AKAP9: variants seen among roughly 807,000 people sequenced by gnomAD.
AKAP9 encodes the protein A-kinase anchoring protein 9.
AKAP9 carries 311 observed loss-of-function variants against 488.5 expected under a neutral mutation model. That is an observed-to-expected ratio of 0.64 (90% CI 0.58 to 0.70). The LOEUF (loss-of-function observed/expected upper bound fraction) is 0.70. Among genes scored for constraint, AKAP9 ranks in the 30% least tolerant of loss-of-function variants. AKAP9 has a pLI of 0.00. For missense variants in AKAP9, 4,215 were observed against 4,374.5 expected, an observed-to-expected ratio of 0.96 and a Z score of 1.03; for synonymous variants, 1,462 against 1,483.5, an observed-to-expected ratio of 0.99 and a Z score of 0.33.
In AKAP9 at chr7:92,022,806, T is replaced by TA. The variant is rs1156789228; in HGVS notation, c.3953-6dup. 1 of 1,549,626 alleles carries TA rather than the reference T, an allele frequency of 6.5e-7. No homozygotes were observed. The highest frequency in any genetic ancestry group is 1.4e-5 in the African/African-American group (1 of 73,054). ...AATGTGCATTTTTTGTCTCTTTATA[T>TA]AACATAGATGTCAATCATAAAAGCA... On this transcript the variant is annotated splice_region_variant and splice_polypyrimidine_tract_variant and intron_variant, in intron 13 of 49. Transcript: ENST00000356239.
intron 9 of AKAP9, among the ~76,000 whole-genome samples, chr7:92,013,730 T>C (rs1201212741): frequency 6.6e-6 from 1 of 152,190 alleles, no homozygotes; most frequent in Non-Finnish European, 1.5e-5. Flanking sequence ...TCAGGAGTGC[T>C]TTGGGTTTGA....
Position 92,084,955 on chromosome 7 carries a change from A to G in AKAP9, c.8832+15A>G. 1.2e-6 allele frequency: 2 copies of G among 1,611,112 alleles called. No individual in the cohort carries two copies. Among genetic ancestry groups the G allele is most frequent in the Non-Finnish European group, 1.7e-6 (2 of 1,178,238 alleles). On this transcript the variant is annotated intron_variant, in intron 35 of 49. Coordinates refer to ENST00000356239, the MANE Select transcript of AKAP9 (RefSeq NM_005751.5). ...AGAAAATAAAGGTACTAAAAGATAG[A>G]TACCTTTTATTAACTCAGCCAGTGT...
chr7:92,107,443 G>T, intron 48 of AKAP9, 21 bp downstream of exon 48: 1 of 1,609,546 alleles, frequency 6.2e-7, no homozygotes. Context: ...GAGAAAACCT[G>T]CCTGGAATTG....
chr7:92,061,586 A>T (rs1184654940), intron 23 of AKAP9, among the ~76,000 whole-genome samples, 164 bp downstream of exon 23: 3 of 35,142 alleles, frequency 8.5e-5, no homozygotes. Flanking sequence ...TTTTAAAACT[A>T]TATATATATA....
At chr7:92,022,606 A>G (rs1802476839) in intron 13 of AKAP9, among the ~76,000 whole-genome samples, 1 of 152,202 alleles carries the variant, frequency 6.6e-6, no homozygotes, top group African/African-American at 2.4e-5. Flanking sequence ...GGAGTACTAC[A>G]GCATGAGGAT....
At chr7:92,014,442 A>T in intron 10 of AKAP9, 114 bp downstream of exon 10, 1 of 742,312 alleles carries the variant, frequency 1.3e-6, no homozygotes, top group Non-Finnish European at 2.4e-6. Context: ...AGCCTGGCCA[A>T]CGTGGTGAAA....
rs764127127 is a variant in AKAP9 at position 92,012,407 on chromosome 7, GT to G, written c.3319-19del. Reference sequence around the variant, plus strand: ...ATTTGTCATTTAAGAATATTATAATGTTTACATATGTTTACTTTAAGAATGA... The same window carrying G: ...ATTTGTCATTTAAGAATATTATAATGTTACATATGTTTACTTTAAGAATGA... On this transcript the variant is annotated intron_variant, in intron 8 of 49. Transcript: ENST00000356239. 1.9e-6 allele frequency: 3 copies of G among 1,579,418 alleles called. No individual in the cohort carries two copies. The Admixed American group carries it at 5.0e-5, about 26-fold the overall frequency.
chr7:92,062,142 A>G (rs1040543929), intron 23 of AKAP9, 132 bp from the exon 24 acceptor site: 5 of 776,732 alleles, frequency 6.4e-6, no homozygotes, highest in Non-Finnish European at 1.1e-5. Flanking sequence ...CAGCAAATTC[A>G]TTCAAGACTT....
Position 92,084,904 on chromosome 7 carries a change from TG to T in AKAP9, c.8797del (p.Glu2933LysfsTer11), listed in dbSNP as rs1814250532. 6.2e-7 allele frequency: 1 copy of T among 1,613,310 alleles called. No individual in the cohort carries two copies. On this transcript the variant is annotated frameshift_variant, in exon 35 of 50. Transcript: ENST00000356239. LOFTEE classifies it high-confidence loss of function. The part of the protein sequence containing the change: ...IASEGRGEES[E>X]SATDSFPKKI... ...CATCAGAAGGCCGAGGAGAAGAAAGTGAAAGTGCAACAGATTCCTTTCCAAA... is the reference window on the plus strand; with the variant it reads ...CATCAGAAGGCCGAGGAGAAGAAAGTAAAGTGCAACAGATTCCTTTCCAAA...
At chr7:91,980,044 A>G (rs1240598666) in intron 2 of AKAP9, among the ~76,000 whole-genome samples, 1 of 152,212 alleles carries the variant, frequency 6.6e-6, no homozygotes, top group Non-Finnish European at 1.5e-5. Flanking sequence ...AAGACCCTGT[A>G]TGAAAGTACC....
intron 1 of AKAP9, among the ~76,000 whole-genome samples, chr7:91,963,656 T>C (rs890711218): frequency 3.9e-5 from 6 of 152,134 alleles, no homozygotes; most frequent in Non-Finnish European, 8.8e-5. Flanking sequence ...TAGCTGGGAC[T>C]ACAGGCACCC....
chr7:92,015,173 G>T (rs1584125141), intron 10 of AKAP9, among the ~76,000 whole-genome samples: 1 of 152,120 alleles, frequency 6.6e-6, no homozygotes, highest in African/African-American at 2.4e-5. Flanking sequence ...GTTGGTGGTG[G>T]TAATTTTTTA....
chr7:91,976,944 T>C (rs1256609094), intron 2 of AKAP9, among the ~76,000 whole-genome samples: 1 of 152,206 alleles, frequency 6.6e-6, no homozygotes, highest in East Asian at 1.9e-4. Flanking sequence ...GTTATTTGAC[T>C]GTATTTAAAA....
intron 3 of AKAP9, among the ~76,000 whole-genome samples, chr7:91,991,662 G>A (rs1283624250): frequency 6.6e-6 from 1 of 151,878 alleles, no homozygotes; most frequent in African/African-American, 2.4e-5. Flanking sequence ...TAGTAGAGAC[G>A]GGGTTTCACC....
chr7:91,951,469 G>A (rs1032828590), intron 1 of AKAP9, among the ~76,000 whole-genome samples: 1 of 151,856 alleles, frequency 6.6e-6, no homozygotes, highest in Non-Finnish European at 1.5e-5. Flanking sequence ...GGGCTGCGGG[G>A]GCTCACCACC....
chr7:92,052,391 A>G (rs1214615032), intron 21 of AKAP9, among the ~76,000 whole-genome samples: 4 of 152,148 alleles, frequency 2.6e-5, no homozygotes, highest in African/African-American at 7.2e-5. Context: ...CTTGTCACCT[A>G]TATGTCCCTA....
At chr7:92,073,383 G>A (rs61611793) in intron 28 of AKAP9, among the ~76,000 whole-genome samples, 5,133 of 150,966 alleles carry the variant, frequency 0.034, 256 homozygotes, top group African/African-American at 0.11. Context: ...GCGGGCGCCT[G>A]TAGTCCCAGC....
intron 1 of AKAP9, among the ~76,000 whole-genome samples, chr7:91,959,796 T>G (rs1309891125): frequency 1.3e-5 from 2 of 152,212 alleles, no homozygotes; most frequent in Non-Finnish European, 2.9e-5. Flanking sequence ...ATATGTAAAG[T>G]CCTGTGGTCT....
intron 48 of AKAP9, chr7:92,107,968 G>A (rs1412063730): frequency 2.3e-5 from 4 of 170,534 alleles, no homozygotes; most frequent in East Asian, 3.1e-4. Flanking sequence ...GCAGTGAGCC[G>A]AGGTCACGCC....
Sources: gnomAD v4.1 joint callset for allele counts (sites outside exome capture counted in the v4.1 genomes callset) on GRCh38, gnomAD v4.1.1 for gene constraint, MANE v1.5 for transcripts, NCBI Gene and HGNC (gene_info 2026-07-23, HGNC 2026-07-21) for gene names.